The following UBE2R2 variants were observed in gnomAD, a reference collection of about 807,000 sequenced individuals.
UBE2R2 encodes ubiquitin conjugating enzyme E2 R2, also known as ubiquitin-conjugating enzyme E2 R2.
In UBE2R2, 1 loss-of-function variant was observed where a neutral mutation model predicts 27.8. The observed-to-expected ratio is 0.04, with a 90% CI of 0.01 to 0.17. The LOEUF (loss-of-function observed/expected upper bound fraction) is 0.17, where lower values mean the gene tolerates loss of function less well. UBE2R2 is among the 10% of genes least tolerant of loss of function. The probability of loss-of-function intolerance (pLI) is 1.00; values close to 1 mark genes in which losing one functional copy is unlikely to be tolerated. For missense variants in UBE2R2, 100 were observed against 291.0 expected (o/e 0.34, Z 4.78); for synonymous variants, 106 against 113.3 (o/e 0.94, Z 0.41).
At chr9:33,862,977 A>G (rs770816821) in intron 1 of UBE2R2, among the ~76,000 whole-genome samples, 1 of 152,164 alleles carries the variant, frequency 6.6e-6, no homozygotes, top group African/African-American at 2.4e-5. Context: ...TCATGAGGTC[A>G]GGAGATTGAG....
chr9:33,889,759 C>T (rs1030661674), intron 2 of UBE2R2, among the ~76,000 whole-genome samples: 22 of 152,170 alleles, frequency 1.4e-4, no homozygotes, highest in Non-Finnish European at 1.9e-4. Context: ...ATGATTTCAG[C>T]TCACTGCAAC....
At chr9:33,878,235 A>C (rs1308578579) in intron 1 of UBE2R2, among the ~76,000 whole-genome samples, 1 of 152,224 alleles carries the variant, frequency 6.6e-6, no homozygotes, top group Non-Finnish European at 1.5e-5. Context: ...TCACATCTGT[A>C]ATCTGTCCAG....
chr9:33,913,065 A>G (rs897483776), intron 4 of UBE2R2, among the ~76,000 whole-genome samples: 2 of 151,782 alleles, frequency 1.3e-5, no homozygotes, highest in African/African-American at 4.8e-5. Context: ...GGTTCAAGCA[A>G]TTCTCCTGCC....
chr9:33,894,325 C>T (rs1169237808), intron 2 of UBE2R2, among the ~76,000 whole-genome samples: 2 of 152,126 alleles, frequency 1.3e-5, no homozygotes, highest in South Asian at 2.1e-4. Flanking sequence ...AGTGGTAGCT[C>T]ATTGTGGTTT....
Position 33,817,793 on chromosome 9 carries a change from C to G in UBE2R2, c.36C>G (p.Ala12=). 6.2e-7 allele frequency: 1 copy of G among 1,608,830 alleles called. No homozygotes were observed. The highest frequency in any genetic ancestry group is 8.5e-7 in the Non-Finnish European group (1 of 1,177,688). The change falls in exon 1 of 5, where the codon GCC becomes GCG. Residue 12 remains alanine (A), a synonymous_variant. Coordinates refer to ENST00000263228, the MANE Select transcript of UBE2R2 (RefSeq NM_017811.4). ...AQQQMTSSQK[A]LMLELKSLQE... The stretch of plus-strand genomic sequence containing the variant: ...AGCAGATGACCAGCTCGCAGAAGGC[C>G]CTGATGCTCGAGCTGAAATCCCTGC...
Position 33,919,407 on chromosome 9 carries a change from G to A in UBE2R2, c.*2170G>A, listed in dbSNP as rs764701788. The A allele has an allele frequency of 2.6e-5, 4 of 152,046 alleles. No individual in the cohort carries two copies. Among genetic ancestry groups the A allele is most frequent in the Non-Finnish European group, 4.4e-5 (3 of 68,040 alleles). The allele number at this position is 152,046 out of a possible 1,614,324, so 9.4% of individuals were successfully genotyped here. A position where few individuals can be genotyped will look rare whatever the true frequency, so the allele number is the denominator to read the frequency against. ...CTTTGCTAAAGCATCTCACTCCCAG[G>A]GCAGCCCCAGCACCCTGGCATTGCG... On this transcript the variant is annotated 3_prime_UTR_variant, in exon 5 of 5. Transcript: ENST00000263228.
At chr9:33,879,264 TTAAG>T (rs1358733883) in intron 1 of UBE2R2, among the ~76,000 whole-genome samples, 5 of 152,190 alleles carry the variant, frequency 3.3e-5, no homozygotes, top group Middle Eastern at 3.4e-3. Flanking sequence ...TCAATATAAA[TTAAG>T]TAAGGGTCGC....
At chr9:33,869,684 A>G (rs1401756853) in intron 1 of UBE2R2, among the ~76,000 whole-genome samples, 1 of 152,102 alleles carries the variant, frequency 6.6e-6, no homozygotes, top group African/African-American at 2.4e-5. Flanking sequence ...TCCTGACCTC[A>G]GGTGATCTGC....
chr9:33,883,713 CAAAA>C (rs1158414910), intron 1 of UBE2R2, among the ~76,000 whole-genome samples: 4 of 75,194 alleles, frequency 5.3e-5, no homozygotes, highest in African/African-American at 1.1e-4. Flanking sequence ...GACTCTGTCT[CAAAA>C]AAAAAAAAAA....
chr9:33,840,571 G>C (rs771402927), intron 1 of UBE2R2, among the ~76,000 whole-genome samples: 6 of 152,148 alleles, frequency 3.9e-5, no homozygotes, highest in Non-Finnish European at 7.4e-5. Flanking sequence ...CTCTGGTTCG[G>C]TCTCTTTAGC....
Position 33,817,609 on chromosome 9 carries a change from G to T in UBE2R2, c.-149G>T. 1.0e-6 allele frequency: 1 copy of T among 966,668 alleles called. No individual in the cohort carries two copies. Among genetic ancestry groups the T allele is most frequent in the Non-Finnish European group, 1.3e-6 (1 of 787,190 alleles). 59.9% of individuals were successfully genotyped at this position (966,668 alleles called of 1,614,324 possible). ...CCCGGGCGGGCCCACGGGCCGTGTG[G>T]GGCCTGGTCTGGCCCGCCGGGTGTG... On this transcript the variant is annotated 5_prime_UTR_variant, in exon 1 of 5. Coordinates refer to ENST00000263228, the MANE Select transcript of UBE2R2 (RefSeq NM_017811.4).
chr9:33,904,002 T>G (rs1822299733), intron 3 of UBE2R2, among the ~76,000 whole-genome samples: 1 of 152,148 alleles, frequency 6.6e-6, no homozygotes, highest in Non-Finnish European at 1.5e-5. Context: ...ATCTTATTGG[T>G]GTTTTCGGGG....
chr9:33,896,025 G>A (rs931737480), intron 2 of UBE2R2, among the ~76,000 whole-genome samples: 12 of 151,810 alleles, frequency 7.9e-5, no homozygotes, highest in South Asian at 2.1e-4. Flanking sequence ...TGCCAGCCCC[G>A]GCCCCCCAAA....
chr9:33,863,995 G>T (rs922488222), intron 1 of UBE2R2, among the ~76,000 whole-genome samples: 1 of 152,020 alleles, frequency 6.6e-6, no homozygotes, highest in African/African-American at 2.4e-5. Flanking sequence ...TTTAATTTTT[G>T]TGTTTTTAGT....
chr9:33,853,750 C>T (rs780679505), intron 1 of UBE2R2, among the ~76,000 whole-genome samples: 159 of 151,106 alleles, frequency 1.1e-3, no homozygotes, highest in Non-Finnish European at 1.6e-3. Flanking sequence ...GTGCAAGCAA[C>T]CTTATTTTTG....
At chr9:33,869,949 C>T (rs979621149) in intron 1 of UBE2R2, among the ~76,000 whole-genome samples, 16 of 151,922 alleles carry the variant, frequency 1.1e-4, no homozygotes, top group African/African-American at 3.9e-4. Context: ...TGGGTTCAAG[C>T]GATTCTCCTG....
intron 2 of UBE2R2, among the ~76,000 whole-genome samples, chr9:33,893,481 T>G (rs987764569): frequency 1.3e-5 from 2 of 152,216 alleles, no homozygotes; most frequent in Admixed American, 1.3e-4. Flanking sequence ...TGGACACATT[T>G]GGATTGTTTC....
chr9:33,832,658 TAA>T (rs374517545), intron 1 of UBE2R2, among the ~76,000 whole-genome samples: 32 of 134,084 alleles, frequency 2.4e-4, no homozygotes, highest in Admixed American at 2.3e-4. Context: ...AGACTCCGTC[TAA>T]AAAAAAAAAA....
chr9:33,900,280 G>T lies in UBE2R2; in HGVS notation c.362+9G>T, dbSNP rs373508944. ...CCTACTCAGAATGTGAGGTAAGGAG[G>T]AATCTGGTTTTGGAGTTATTCTTAA... is the stretch of plus-strand genomic sequence containing the variant. On this transcript the variant is annotated intron_variant, in intron 3 of 4. Transcript: ENST00000263228. 28 of 1,605,598 alleles carry T rather than the reference G, an allele frequency of 1.7e-5. No homozygotes were observed. The highest frequency in any genetic ancestry group is 5.4e-5 in the African/African-American group (4 of 74,734).
Sources: gnomAD v4.1 joint callset for allele counts (sites outside exome capture counted in the v4.1 genomes callset) on GRCh38, gnomAD v4.1.1 for gene constraint, MANE v1.5 for transcripts, NCBI Gene and HGNC (gene_info 2026-07-23, HGNC 2026-07-21) for gene names.